The following CSMD1 variants were observed in gnomAD, a reference collection of about 807,000 sequenced individuals.
CSMD1 encodes the protein CUB and sushi domain-containing protein 1.
Under a neutral mutation model 417.5 loss-of-function variants are expected in CSMD1, and 213 were observed. The ratio of observed to expected loss-of-function variants is 0.51; its 90% CI spans 0.46 to 0.57. The LOEUF is 0.57. Among genes scored for constraint, CSMD1 ranks in the 20% least tolerant of loss-of-function variants. CSMD1 has a pLI of 0.00. For missense variants in CSMD1, 6,923 were observed against 4,529.7 expected (o/e 1.53, Z -15.17); for synonymous variants, 2,862 against 1,736.8 (o/e 1.65, Z -16.11).
At chr8:3,659,761 T>C (rs1485263564) in intron 7 of CSMD1, among the ~76,000 whole-genome samples, 1 of 152,178 alleles carries the variant, frequency 6.6e-6, no homozygotes, top group Non-Finnish European at 1.5e-5. Context: ...TGAAAAATAC[T>C]GGTAAAGATC....
intron 2 of CSMD1, among the ~76,000 whole-genome samples, chr8:4,441,017 AT>A (rs1353845229): frequency 6.7e-6 from 1 of 149,842 alleles, no homozygotes. Context: ...AATTAAAAAT[AT>A]TAATGAAAAT....
chr8:4,037,691 G>T (rs913460341), intron 3 of CSMD1, among the ~76,000 whole-genome samples: 4 of 152,134 alleles, frequency 2.6e-5, no homozygotes, highest in Non-Finnish European at 5.9e-5. Flanking sequence ...GGGAAGGTGT[G>T]AAGATTGAAT....
chr8:4,313,764 C>G (rs1163296645), intron 3 of CSMD1, among the ~76,000 whole-genome samples: 1 of 152,014 alleles, frequency 6.6e-6, no homozygotes, highest in Non-Finnish European at 1.5e-5. Context: ...ACCTGTAATT[C>G]CAGCGTTTTG....
chr8:4,900,545 C>T (rs1228173916), intron 1 of CSMD1, among the ~76,000 whole-genome samples: 1 of 152,168 alleles, frequency 6.6e-6, no homozygotes, highest in African/African-American at 2.4e-5. Flanking sequence ...AATCCAGATG[C>T]TGATGTGCAT....
chr8:2,974,728 A>T (rs1804775014), intron 55 of CSMD1, 104 bp from the exon 56 acceptor site: 1 of 673,834 alleles, frequency 1.5e-6, no homozygotes, highest in Admixed American at 3.8e-5. Flanking sequence ...TGTATTAAAG[A>T]AAAACACCTA....
intron 3 of CSMD1, among the ~76,000 whole-genome samples, chr8:4,201,022 A>T (rs937943745): frequency 6.6e-6 from 1 of 152,198 alleles, no homozygotes; most frequent in Admixed American, 6.5e-5. Context: ...GGAAGGCATC[A>T]TGAGATACTA....
rs143038365 is a variant in CSMD1, at chr8:2,985,552, T to C, written c.8378-6752A>G. Among the ~76,000 whole-genome samples the C allele has an allele frequency of 3.5e-4, 53 of 152,346 alleles. 1 individual carries two copies. The highest frequency in any genetic ancestry group is 1.2e-3 in the African/African-American group (50 of 41,578). On this transcript the variant is annotated intron_variant, in intron 54 of 69. Transcript: ENST00000635120. ...AATTACACAATGCATAGGCAATATA[T>C]AGGCAATACTCCTTATAGTTTTCTT...
chr8:2,938,840 G>C, intron 69 of CSMD1, 96 bp from the exon 70 acceptor site: 2 of 1,084,558 alleles, frequency 1.8e-6, no homozygotes, highest in East Asian at 2.6e-5. Context: ...ACAGAGCAGG[G>C]AGCAGTATAG....
At chr8:3,755,810 C>G (rs1358421196) in intron 5 of CSMD1, among the ~76,000 whole-genome samples, 1 of 152,074 alleles carries the variant, frequency 6.6e-6, no homozygotes, top group Non-Finnish European at 1.5e-5. Context: ...TTGAAATAAT[C>G]TTCTGTAAGA....
chr8:3,565,170 C>CAAAAAAAAA (rs1799647390), intron 10 of CSMD1, among the ~76,000 whole-genome samples: 2 of 86,286 alleles, frequency 2.3e-5, no homozygotes, highest in Admixed American at 1.5e-4. Context: ...AGAGAGAGAT[C>CAAAAAAAAA]AAGAAAGAAA....
At chr8:4,529,489 C>T (rs1796683306) in intron 2 of CSMD1, among the ~76,000 whole-genome samples, 1 of 152,030 alleles carries the variant, frequency 6.6e-6, no homozygotes, top group African/African-American at 2.4e-5. Flanking sequence ...TGATTTATAA[C>T]TATTATTTAA....
chr8:4,451,314 C>A (rs959043300), intron 2 of CSMD1, among the ~76,000 whole-genome samples: 1 of 152,134 alleles, frequency 6.6e-6, no homozygotes, highest in East Asian at 1.9e-4. Flanking sequence ...ACCACTGCAC[C>A]ACTCCAGCCT....
chr8:3,635,139 G>A (rs973194418), intron 7 of CSMD1, among the ~76,000 whole-genome samples: 3 of 152,190 alleles, frequency 2.0e-5, no homozygotes, highest in South Asian at 2.1e-4. Context: ...GTAAGTGGAC[G>A]GTGAGTGCGT....
At chr8:3,114,135 T>G (rs1171612436) in intron 42 of CSMD1, among the ~76,000 whole-genome samples, 1 of 152,030 alleles carries the variant, frequency 6.6e-6, no homozygotes, top group African/African-American at 2.4e-5. Flanking sequence ...TCCTAGCCAC[T>G]TGGGAGGCTG....
At chr8:4,894,961 A>G (rs768506270) in intron 1 of CSMD1, among the ~76,000 whole-genome samples, 1 of 152,174 alleles carries the variant, frequency 6.6e-6, no homozygotes, top group South Asian at 2.1e-4. Context: ...GCTGAGGTTC[A>G]GGGCTCAGCT....
At chr8:4,821,329 G>A (rs1014253324) in intron 1 of CSMD1, among the ~76,000 whole-genome samples, 1 of 152,172 alleles carries the variant, frequency 6.6e-6, no homozygotes, top group African/African-American at 2.4e-5. Context: ...GAATCCGTTA[G>A]TCAGAGAAAC....
chr8:4,328,910 G>A (rs906379634), intron 3 of CSMD1, among the ~76,000 whole-genome samples: 1 of 152,182 alleles, frequency 6.6e-6, no homozygotes, highest in Non-Finnish European at 1.5e-5. Context: ...TATATTGGTA[G>A]TGTGTTGTTT....
At chr8:3,609,961 C>G (rs1198345605) in intron 8 of CSMD1, among the ~76,000 whole-genome samples, 4 of 151,512 alleles carry the variant, frequency 2.6e-5, no homozygotes, top group Non-Finnish European at 5.9e-5. Context: ...ACCAACATGC[C>G]CAGCTAATTT....
chr8:3,759,726 T>C (rs2129055611), intron 5 of CSMD1, among the ~76,000 whole-genome samples: 1 of 139,092 alleles, frequency 7.2e-6, no homozygotes, highest in East Asian at 2.1e-4. Context: ...AAACACCACC[T>C]CTACTAAAAA....
Sources: allele counts gnomAD v4.1 joint callset (sites outside exome capture counted in the v4.1 genomes callset), GRCh38; gene constraint gnomAD v4.1.1; transcripts MANE v1.5; gene names NCBI Gene and HGNC (gene_info 2026-07-23, HGNC 2026-07-21).